DENND6B: variants seen among roughly 807,000 people sequenced by gnomAD.
DENND6B encodes DENN domain containing 6B, also known as protein DENND6B.
A neutral mutation model predicts 85.1 loss-of-function variants in DENND6B; 73 were observed. The ratio of observed to expected loss-of-function variants is 0.86; its 90% CI spans 0.71 to 1.04. The LOEUF (loss-of-function observed/expected upper bound fraction) is 1.04, where lower values mean the gene tolerates loss of function less well. DENND6B is among the 50% of genes least tolerant of loss of function. The pLI is 0.00. For synonymous variants in DENND6B, 357 were observed against 329.3 expected (o/e 1.08, Z -0.91); for missense variants, 715 against 785.8 (o/e 0.91, Z 1.08).
chr22:50,322,300 T>G (rs1346293195), intron 1 of DENND6B, among the ~76,000 whole-genome samples: 2 of 152,102 alleles, frequency 1.3e-5, no homozygotes, highest in Non-Finnish European at 2.9e-5. Flanking sequence ...GGTCTTGATC[T>G]CCTGACCTTG....
chr22:50,316,649 TAGAC>T (rs2041829693), intron 5 of DENND6B, 174 bp from the exon 6 acceptor site: 1 of 1,519,374 alleles, frequency 6.6e-7, no homozygotes, highest in South Asian at 1.2e-5. Flanking sequence ...CCAGAATTAT[TAGAC>T]AGGAGAAAAC....
chr22:50,314,250 C>CT lies in DENND6B; in HGVS notation c.1094dup (p.Leu366AlafsTer96), dbSNP rs1336004754. 6.2e-7 allele frequency: 1 copy of CT among 1,609,548 alleles called. No homozygotes were observed. The highest frequency in any genetic ancestry group is 8.5e-7 in the Non-Finnish European group (1 of 1,179,418). On this transcript the variant is annotated frameshift_variant, in exon 13 of 20. Coordinates refer to ENST00000413817, the MANE Select transcript of DENND6B (RefSeq NM_001001794.4). LOFTEE classifies it high-confidence loss of function. ...TCTTCAACCTTGAAGGCTTTTTCAG[C>CT]TTGACTTGCTTAGGCAGGTCTCCTA...
intron 1 of DENND6B, among the ~76,000 whole-genome samples, chr22:50,326,264 T>A (rs555423625): frequency 6.6e-6 from 1 of 152,250 alleles, no homozygotes; most frequent in East Asian, 1.9e-4. Context: ...ACGGGGCCCA[T>A]GGGGTCTGGA....
chr22:50,316,614 GC>G, intron 5 of DENND6B, 139 bp from the exon 6 acceptor site: 6 of 1,537,166 alleles, frequency 3.9e-6, no homozygotes, highest in Non-Finnish European at 5.3e-6. Flanking sequence ...CAGGACAGCT[GC>G]CCCAGGAACG....
At chr22:50,319,312 T>A in intron 1 of DENND6B, 2 of 985,152 alleles carry the variant, frequency 2.0e-6, no homozygotes, top group Non-Finnish European at 2.4e-6. Context: ...CCCGGGCAAC[T>A]CCCCTGCCGG....
rs185844244 is a variant in DENND6B, at chr22:50,325,362, G to T, written c.177+1450C>A. 1.6e-4 allele frequency among the ~76,000 whole-genome samples: 23 copies of T among 142,712 alleles called. No individual in the cohort carries two copies. The East Asian group carries it at 4.6e-3, about 29-fold the overall frequency. 93.6% of individuals were successfully genotyped at this position (142,712 alleles called of 152,430 possible). On this transcript the variant is annotated intron_variant, in intron 1 of 19. Coordinates refer to ENST00000413817, the MANE Select transcript of DENND6B (RefSeq NM_001001794.4). Reference sequence around the variant, plus strand: ...TTTTTTTTTTTTTTTTTTTGAGATGGAGTCTCACTTTGTCGCCCAAGCTGG... The same window carrying T: ...TTTTTTTTTTTTTTTTTTTGAGATGTAGTCTCACTTTGTCGCCCAAGCTGG...
chr22:50,314,913 C>T lies in DENND6B; in HGVS notation c.767G>A (p.Arg256Gln), dbSNP rs202144405. The T allele has an allele frequency of 1.5e-5, 24 of 1,609,778 alleles. No homozygotes were observed. Among genetic ancestry groups the T allele is most frequent in the Non-Finnish European group, 1.6e-5 (19 of 1,177,764 alleles). Residue 256 changes from arginine to glutamine, a missense_variant, in exon 10 of 20, where the codon CGG (arginine) becomes CAG (glutamine). Physicochemically the swap from Arg to Gln is conservative, Grantham distance 43 (BLOSUM62 1). Coordinates refer to ENST00000413817, the MANE Select transcript of DENND6B (RefSeq NM_001001794.4). ...TGTCTGCATATGAGTCAGCACAGGC[C>T]GGAAGCACCTGGGGCCGGGCAGGAA... ...VHELDLFRCF[R>Q]PVLTHMQTLW...
At chr22:50,321,284 G>A (rs867777313) in intron 1 of DENND6B, among the ~76,000 whole-genome samples, 4 of 152,184 alleles carry the variant, frequency 2.6e-5, no homozygotes, top group Admixed American at 6.5e-5. Flanking sequence ...CAGAAGCCGC[G>A]GTGTGTCCTG....
chr22:50,323,192 G>A (rs537439322), intron 1 of DENND6B, among the ~76,000 whole-genome samples: 4 of 149,388 alleles, frequency 2.7e-5, no homozygotes, highest in African/African-American at 9.9e-5. Flanking sequence ...AACAGACAGG[G>A]TCAACCTCCA....
chr22:50,323,181 TAACA>T (rs2042103124), intron 1 of DENND6B, among the ~76,000 whole-genome samples: 1 of 151,158 alleles, frequency 6.6e-6, no homozygotes, highest in Non-Finnish European at 1.5e-5. Flanking sequence ...TTTTGTTTTT[TAACA>T]GACAGGGTCA....
chr22:50,326,903 CGCGCCGCGCG>C lies in DENND6B; in HGVS notation c.76_85del (p.Arg26GlyfsTer111). 7.2e-7 allele frequency: 1 copy of C among 1,389,422 alleles called. No individual in the cohort carries two copies. The allele number at this position is 1,389,422 out of a possible 1,614,324, so 86.1% of individuals were successfully genotyped here. ...GCGCGCCCAGGGCGCCGCCGGGGTC[CGCGCCGCGCG>C]ACCTGAAGACGTGGGTCCAGCCGCG... is the stretch of plus-strand genomic sequence containing the variant. On this transcript the variant is annotated frameshift_variant, in exon 1 of 20. Coordinates refer to ENST00000413817, the MANE Select transcript of DENND6B (RefSeq NM_001001794.4). LOFTEE classifies it high-confidence loss of function.
chr22:50,326,793 C>T lies in DENND6B; in HGVS notation c.177+19G>A, dbSNP rs1313024097. The stretch of plus-strand genomic sequence containing the variant: ...GCAGCCCTGCCCACCCGCCCGCGCC[C>T]GCGCTCGCGCCCGCTCACCTCCAGC... On this transcript the variant is annotated intron_variant, in intron 1 of 19. Coordinates refer to ENST00000413817, the MANE Select transcript of DENND6B (RefSeq NM_001001794.4). 2 of 1,375,756 alleles carry T rather than the reference C, an allele frequency of 1.5e-6. No individual in the cohort carries two copies. Among genetic ancestry groups the T allele is most frequent in the Non-Finnish European group, 1.9e-6 (2 of 1,070,072 alleles). The allele number at this position is 1,375,756 out of a possible 1,614,324, so 85.2% of individuals were successfully genotyped here. A position where few individuals can be genotyped will look rare whatever the true frequency, so the allele number is the denominator to read the frequency against.
chr22:50,326,962 A>C lies in DENND6B; in HGVS notation c.27T>G (p.Pro9=). The part of the protein sequence containing the change: MDALLGTG[P]RRARGCLGAA... ...CGCCCAGGCAGCCGCGAGCCCGGCG[A>C]GGCCCTGTGCCCAACAGCGCGTCCA... Residue 9 remains proline (P), a synonymous_variant, in exon 1 of 20, where the codon CCT becomes CCG. Coordinates refer to ENST00000413817, the MANE Select transcript of DENND6B (RefSeq NM_001001794.4). 3 of 1,265,510 alleles carry C rather than the reference A, an allele frequency of 2.4e-6. No individual in the cohort carries two copies. Among genetic ancestry groups the C allele is most frequent in the Non-Finnish European group, 3.0e-6 (3 of 1,011,030 alleles). The allele number at this position is 1,265,510 out of a possible 1,614,324, so 78.4% of individuals were successfully genotyped here.
chr22:50,323,825 T>C (rs1428191577), intron 1 of DENND6B, among the ~76,000 whole-genome samples: 3 of 150,416 alleles, frequency 2.0e-5, no homozygotes, highest in African/African-American at 7.4e-5. Flanking sequence ...CTCGAATTCC[T>C]GGGCTCAAGC....
chr22:50,317,397 A>AGCCAC, intron 4 of DENND6B, 24 bp from the exon 5 acceptor site: 1 of 1,612,168 alleles, frequency 6.2e-7, no homozygotes, highest in Non-Finnish European at 8.5e-7. Flanking sequence ...GGTGTTAGCC[A>AGCCAC]GCCACGCCCC....
intron 1 of DENND6B, among the ~76,000 whole-genome samples, chr22:50,325,800 G>A (rs1310678045): frequency 1.3e-5 from 2 of 152,178 alleles, no homozygotes; most frequent in Admixed American, 1.3e-4. Context: ...CGTGTGTGGT[G>A]GGAGGGGCTC....
At chr22:50,321,083 GCA>G (rs2147787355) in intron 1 of DENND6B, among the ~76,000 whole-genome samples, 1 of 152,330 alleles carries the variant, frequency 6.6e-6, no homozygotes, top group Admixed American at 6.5e-5. Context: ...CCTGAGCCCT[GCA>G]CAGGTCCCTG....
At chr22:50,318,752 C>T (rs2041940002) in intron 3 of DENND6B, 95 bp downstream of exon 3, 33 of 1,545,626 alleles carry the variant, frequency 2.1e-5, no homozygotes, top group Admixed American at 5.7e-5. Context: ...CTCTGGGCAC[C>T]GGGGCAGCCG....
chr22:50,325,939 T>G (rs1418352525), intron 1 of DENND6B, among the ~76,000 whole-genome samples: 1 of 152,166 alleles, frequency 6.6e-6, no homozygotes, highest in Non-Finnish European at 1.5e-5. Flanking sequence ...TTCCTGATGA[T>G]GATGATTTGG....
Sources: allele counts gnomAD v4.1 joint callset (sites outside exome capture counted in the v4.1 genomes callset), GRCh38; gene constraint gnomAD v4.1.1; transcripts MANE v1.5; gene names NCBI Gene and HGNC (gene_info 2026-07-23, HGNC 2026-07-21).